GPLD1: variants seen among roughly 807,000 people sequenced by gnomAD.
GPLD1 encodes glycosylphosphatidylinositol specific phospholipase D1, also known as phosphatidylinositol-glycan-specific phospholipase D.
A neutral mutation model predicts 112.6 loss-of-function variants in GPLD1; 84 were observed. The ratio of observed to expected loss-of-function variants is 0.75; its 90% CI spans 0.63 to 0.89. The LOEUF is 0.89. Among genes scored for constraint, GPLD1 ranks in the 40% least tolerant of loss-of-function variants. The probability of loss-of-function intolerance (pLI) is 0.00; values close to 1 mark genes in which losing one functional copy is unlikely to be tolerated. For missense variants in GPLD1, 1,044 were observed against 1,051.5 expected (o/e 0.99, Z 0.10); for synonymous variants, 386 against 403.8 (o/e 0.96, Z 0.53).
chr6:24,450,417 C>G (rs888367895), intron 14 of GPLD1, among the ~76,000 whole-genome samples: 1 of 152,076 alleles, frequency 6.6e-6, no homozygotes. Flanking sequence ...AGGAGAATCC[C>G]TTGAATCTGG....
In GPLD1 at chr6:24,426,314, T is replaced by G. The variant is rs1762235449; in HGVS notation, c.*2718A>C. On this transcript the variant is annotated 3_prime_UTR_variant, in exon 25 of 25. Coordinates refer to ENST00000230036, the MANE Select transcript of GPLD1 (RefSeq NM_001503.4). ...AGTTAATACTTAGTGGAAAGAAAAT[T>G]TAATCCATGTATCAGGATAATATAT... The G allele has an allele frequency of 1.3e-5, 2 of 152,238 alleles. No individual in the cohort carries two copies. The highest frequency in any genetic ancestry group is 6.5e-5 in the Admixed American group (1 of 15,278). 9.4% of individuals were successfully genotyped at this position (152,238 alleles called of 1,614,324 possible).
At chr6:24,445,487 G>A (rs1390910264) in intron 20 of GPLD1, 59 bp downstream of exon 20, 12 of 1,075,544 alleles carry the variant, frequency 1.1e-5, no homozygotes, top group Non-Finnish European at 1.4e-5. Flanking sequence ...CCTCCAATAC[G>A]ACATGTACAA....
At chr6:24,432,972 G>A (rs1762454164) in intron 24 of GPLD1, among the ~76,000 whole-genome samples, 1 of 152,162 alleles carries the variant, frequency 6.6e-6, no homozygotes, top group African/African-American at 2.4e-5. Context: ...CAGACGACTT[G>A]GCCCCAACCC....
intron 24 of GPLD1, among the ~76,000 whole-genome samples, chr6:24,430,068 G>T (rs1762355941): frequency 1.3e-5 from 2 of 152,172 alleles, no homozygotes; most frequent in Non-Finnish European, 2.9e-5. Context: ...ATTTGTGGAG[G>T]TTGTATCATG....
At chr6:24,459,251 T>C (rs1021599969) in intron 12 of GPLD1, among the ~76,000 whole-genome samples, 7 of 60,338 alleles carry the variant, frequency 1.2e-4, no homozygotes, top group East Asian at 3.9e-4. Context: ...TCCCTGCTAT[T>C]TTTTTTTTGT....
At chr6:24,452,919 T>C (rs928308676) in intron 14 of GPLD1, among the ~76,000 whole-genome samples, 1 of 152,154 alleles carries the variant, frequency 6.6e-6, no homozygotes, top group Admixed American at 6.5e-5. Context: ...CCCCTAGCAC[T>C]TGACACTCAG....
chr6:24,456,518 A>C lies in GPLD1; in HGVS notation c.1128T>G (p.Phe376Leu). The C allele has an allele frequency of 6.2e-7, 1 of 1,609,478 alleles. No homozygotes were observed. Among genetic ancestry groups the C allele is most frequent in the Non-Finnish European group, 8.5e-7 (1 of 1,177,116 alleles). Residue 376 changes from phenylalanine (F) to leucine (L), a missense_variant, in exon 13 of 25, where the codon TTT becomes TTG. Physicochemically the swap from Phe to Leu is conservative, Grantham distance 22. Coordinates refer to ENST00000230036, the MANE Select transcript of GPLD1 (RefSeq NM_001503.4). ...SSPLASYFLS[F>L]PYARLGWAMT... ...CGTACCAGCCAAGCCTCGCATAAGGAAATGACAAGAAGTAAGATGCTAAGG... is the reference window on the plus strand; with the variant it reads ...CGTACCAGCCAAGCCTCGCATAAGGCAATGACAAGAAGTAAGATGCTAAGG...
At chr6:24,458,435 T>A (rs2127346891) in intron 12 of GPLD1, among the ~76,000 whole-genome samples, 1 of 152,328 alleles carries the variant, frequency 6.6e-6, no homozygotes, top group African/African-American at 2.4e-5. Context: ...AAGTCCCTCC[T>A]TAGACAATTC....
chr6:24,425,130 A>C (rs1762188127), downstream of GPLD1: 1 of 152,216 alleles, frequency 6.6e-6, no homozygotes, highest in Non-Finnish European at 1.5e-5. Context: ...CGAATCTCTT[A>C]GGATTTTTAA....
rs140374151 is a variant in GPLD1, at chr6:24,449,807, G to A, written c.1428C>T (p.Ser476=). 31 of 1,611,804 alleles carry A rather than the reference G, an allele frequency of 1.9e-5. No homozygotes were observed. Among genetic ancestry groups the A allele is most frequent in the Non-Finnish European group, 2.5e-5 (30 of 1,178,256 alleles). ...DLAVGAPSVG[S]EQLTYKGAVY... ...GCCTTACTTTGTAGGTGAGCTGCTC[G>A]GAGCCCACCGAGGGAGCTCCCACGG... is the stretch of plus-strand genomic sequence containing the variant. The change falls in exon 15 of 25, where the codon TCC becomes TCT. Residue 476 remains serine, a synonymous_variant. Coordinates refer to ENST00000230036, the MANE Select transcript of GPLD1 (RefSeq NM_001503.4).
chr6:24,469,084 C>T (rs187488587), intron 7 of GPLD1, among the ~76,000 whole-genome samples: 1 of 152,310 alleles, frequency 6.6e-6, no homozygotes, highest in Non-Finnish European at 1.5e-5. Flanking sequence ...CAGATTTATA[C>T]TCAATCATCT....
upstream of GPLD1, chr6:24,495,226 C>A: frequency 6.6e-7 from 1 of 1,514,184 alleles, no homozygotes; most frequent in Non-Finnish European, 8.8e-7. Context: ...GCCACCTTCC[C>A]CGTGCAAGAC....
intron 14 of GPLD1, 120 bp downstream of exon 14, chr6:24,453,895 C>T: frequency 1.5e-6 from 1 of 686,922 alleles, no homozygotes; most frequent in East Asian, 2.6e-5. Context: ...CAAATGTACA[C>T]CACCAGCTGT....
intron 22 of GPLD1, 94 bp from the exon 23 acceptor site, chr6:24,433,483 A>AATT: frequency 2.0e-6 from 1 of 508,954 alleles, no homozygotes; most frequent in East Asian, 3.8e-5. Context: ...CCTCATTTCT[A>AATT]CTTTTTTTTT....
At chr6:24,429,646 C>CA (rs1762340420) in intron 24 of GPLD1, among the ~76,000 whole-genome samples, 2 of 152,320 alleles carry the variant, frequency 1.3e-5, no homozygotes, top group African/African-American at 4.8e-5. Context: ...TTCCTAGTTT[C>CA]AAGTGATTCT....
chr6:24,433,092 A>T, intron 24 of GPLD1, 95 bp downstream of exon 24: 1 of 855,570 alleles, frequency 1.2e-6, no homozygotes, highest in Non-Finnish European at 2.0e-6. Flanking sequence ...TTTTCAAATA[A>T]AAATAAAATC....
At chr6:24,449,094 A>C (rs1370786028) in intron 15 of GPLD1, among the ~76,000 whole-genome samples, 1 of 151,476 alleles carries the variant, frequency 6.6e-6, no homozygotes, top group Non-Finnish European at 1.5e-5. Flanking sequence ...GTGACATGTC[A>C]CTCCTAAAGA....
rs1025219018 is a variant in GPLD1, at chr6:24,445,489, C to T, written c.2020+57G>A. The T allele has an allele frequency of 3.0e-5, 33 of 1,087,892 alleles. No homozygotes were observed. The African/African-American group carries it at 3.7e-4, about 12-fold the overall frequency. 67.4% of individuals were successfully genotyped at this position (1,087,892 alleles called of 1,614,324 possible). A position where few individuals can be genotyped will look rare whatever the true frequency, so the allele number is the denominator to read the frequency against. ...ATCTCATCACTTTCCTCCAATACGA[C>T]ATGTACAAGCAGCCACATGACTGAA... On this transcript the variant is annotated intron_variant, in intron 20 of 24. Coordinates refer to ENST00000230036, the MANE Select transcript of GPLD1 (RefSeq NM_001503.4).
intron 1 of GPLD1, among the ~76,000 whole-genome samples, chr6:24,488,800 T>A (rs796239226): frequency 3.9e-5 from 6 of 152,316 alleles, no homozygotes; most frequent in African/African-American, 1.4e-4. Flanking sequence ...CATCTCCCTA[T>A]ATCCAGGATG....
Sources: allele counts gnomAD v4.1 joint callset (sites outside exome capture counted in the v4.1 genomes callset), GRCh38; gene constraint gnomAD v4.1.1; transcripts MANE v1.5; gene names NCBI Gene and HGNC (gene_info 2026-07-23, HGNC 2026-07-21).